Variants in ELAVL3 observed in about 807,000 individuals in gnomAD.
ELAVL3 encodes the protein ELAV-like protein 3.
A neutral mutation model predicts 34.2 loss-of-function variants in ELAVL3; 8 were observed. The observed-to-expected ratio is 0.23, with a 90% CI of 0.14 to 0.42. The LOEUF (loss-of-function observed/expected upper bound fraction) is 0.42, where lower values mean the gene tolerates loss of function less well. Among genes scored for constraint, ELAVL3 ranks in the 10% least tolerant of loss-of-function variants. ELAVL3 has a pLI of 1.00. For missense variants in ELAVL3, 273 were observed against 518.8 expected, an observed-to-expected ratio of 0.53 and a Z score of 4.60; for synonymous variants, 209 against 222.1, an observed-to-expected ratio of 0.94 and a Z score of 0.53.
At chr19:11,455,867 C>A (rs1181806815) in intron 6 of ELAVL3, among the ~76,000 whole-genome samples, 1 of 152,182 alleles carries the variant, frequency 6.6e-6, no homozygotes, top group Non-Finnish European at 1.5e-5. Flanking sequence ...AGAATTGGCT[C>A]CACTCACATT....
At chr19:11,459,119 T>A (rs311783) in intron 3 of ELAVL3, among the ~76,000 whole-genome samples, 19,911 of 149,206 alleles carry the variant, frequency 0.13, 2,571 homozygotes, top group African/African-American at 0.35. Context: ...GACCAGCATT[T>A]TTTTTTTCTT....
intron 1 of ELAVL3, among the ~76,000 whole-genome samples, chr19:11,470,534 G>A (rs1353780897): frequency 6.6e-6 from 1 of 150,888 alleles, no homozygotes; most frequent in African/African-American, 2.4e-5. Flanking sequence ...AAAATTAGCC[G>A]GGCGTGGTGG....
chr19:11,465,393 CACAT>C (rs1466022502), intron 3 of ELAVL3, among the ~76,000 whole-genome samples: 1 of 151,846 alleles, frequency 6.6e-6, no homozygotes, highest in Middle Eastern at 3.4e-3. Context: ...CATACACACA[CACAT>C]ACACGCTGCA....
rs201043909 is a variant in ELAVL3, at chr19:11,454,616, C to A, written c.1014G>T (p.Ala338=). Residue 338 remains alanine, a synonymous_variant, in exon 7 of 7, where the codon GCG becomes GCT. Coordinates refer to ENST00000359227, the MANE Select transcript of ELAVL3 (RefSeq NM_001420.4). The surrounding 1 kb of genome is among the most constrained non-coding windows in gnomAD (Gnocchi z 9.2). Reference sequence around the variant, plus strand: ...CGTTCAGGCTGGCGATGGCCATGGCCGCCTCGTCATAGTTGGTCATGGTCA... The same window carrying A: ...CGTTCAGGCTGGCGATGGCCATGGCAGCCTCGTCATAGTTGGTCATGGTCA... ...GFVTMTNYDE[A]AMAIASLNGY... 3.7e-6 allele frequency: 6 copies of A among 1,614,212 alleles called. No individual in the cohort carries two copies. In the South Asian group the frequency reaches 6.6e-5, roughly 18 times the overall value.
At chr19:11,471,411 G>A (rs1295145139) in intron 1 of ELAVL3, among the ~76,000 whole-genome samples, 1 of 151,418 alleles carries the variant, frequency 6.6e-6, no homozygotes, top group African/African-American at 2.4e-5. Context: ...TCAGGAGTTC[G>A]AGACCAGCCT....
At position 11,480,598 on chromosome 19, in the gene ELAVL3, A is replaced by G; in HGVS notation, c.9+2T>C. The G allele has an allele frequency of 6.7e-7, 1 of 1,488,196 alleles. No homozygotes were observed. 92.2% of individuals were successfully genotyped at this position (1,488,196 alleles called of 1,614,324 possible). A position where few individuals can be genotyped will look rare whatever the true frequency, so the allele number is the denominator to read the frequency against. On this transcript the variant is annotated splice_donor_variant, in intron 1 of 6. Coordinates refer to ENST00000359227, the MANE Select transcript of ELAVL3 (RefSeq NM_001420.4). LOFTEE classifies it high-confidence loss of function. This position sits in a 1 kb window ranked among gnomAD's most constrained non-coding sequence, Gnocchi z 6.8. Reference sequence around the variant, plus strand: ...CCCTTTCGGCGACAGGGGAATACCTACAGTGACCATTCTTGTGTGCCCGGC... The same window carrying G: ...CCCTTTCGGCGACAGGGGAATACCTGCAGTGACCATTCTTGTGTGCCCGGC...
chr19:11,468,319 G>A (rs1971096962), intron 1 of ELAVL3, among the ~76,000 whole-genome samples: 1 of 151,664 alleles, frequency 6.6e-6, no homozygotes, highest in Admixed American at 6.6e-5. Context: ...TTCAAATAAT[G>A]ACAATTTTAT....
At chr19:11,471,180 T>G (rs1374485393) in intron 1 of ELAVL3, among the ~76,000 whole-genome samples, 1 of 150,988 alleles carries the variant, frequency 6.6e-6, no homozygotes, top group Non-Finnish European at 1.5e-5. Flanking sequence ...CATGGTGGTG[T>G]GCGCCTGTAA....
In ELAVL3 at chr19:11,480,651, C is replaced by CG; in HGVS notation, c.-44dup. The CG allele has an allele frequency of 7.1e-7, 1 of 1,410,902 alleles. No homozygotes were observed. 87.4% of individuals were successfully genotyped at this position (1,410,902 alleles called of 1,614,324 possible). A position where few individuals can be genotyped will look rare whatever the true frequency, so the allele number is the denominator to read the frequency against. ...GCGCGGTCCGTGTTGAGGGGGGCTC[C>CG]GGGGGTGGTGCACTCCTAGGGGGGC... On this transcript the variant is annotated 5_prime_UTR_variant, in exon 1 of 7. Coordinates refer to ENST00000359227, the MANE Select transcript of ELAVL3 (RefSeq NM_001420.4). This position sits in a 1 kb window ranked among gnomAD's most constrained non-coding sequence, Gnocchi z 6.8.
chr19:11,480,232 C>G lies in ELAVL3; in HGVS notation c.9+368G>C, dbSNP rs1325298865. On this transcript the variant is annotated intron_variant, in intron 1 of 6. Coordinates refer to ENST00000359227, the MANE Select transcript of ELAVL3 (RefSeq NM_001420.4). This position sits in a 1 kb window ranked among gnomAD's most constrained non-coding sequence, Gnocchi z 6.8. ...TTTGGCTTGGCCCAGCACCAGTGAT[C>G]GGGCCCTGCGTTTGCCTGGGCGGCC... The G allele has an allele frequency of 4.0e-6, 1 of 248,912 alleles. No homozygotes were observed. Among genetic ancestry groups the G allele is most frequent in the Non-Finnish European group, 7.6e-6 (1 of 130,860 alleles). 15.4% of individuals were successfully genotyped at this position (248,912 alleles called of 1,614,324 possible).
In ELAVL3 at chr19:11,454,494, G is replaced by T; in HGVS notation, c.*32C>A. The T allele has an allele frequency of 2.0e-6, 3 of 1,515,130 alleles. No homozygotes were observed. The highest frequency in any genetic ancestry group is 2.4e-5 in the East Asian group (1 of 42,544). 93.9% of individuals were successfully genotyped at this position (1,515,130 alleles called of 1,614,324 possible). ...TTCTCTCTCTCTCTCTCTGCTGCCC[G>T]GGGAGGGGGTGGGAGGGCAGGCGGG... On this transcript the variant is annotated 3_prime_UTR_variant, in exon 7 of 7. Coordinates refer to ENST00000359227, the MANE Select transcript of ELAVL3 (RefSeq NM_001420.4). This position sits in a 1 kb window ranked among gnomAD's most constrained non-coding sequence, Gnocchi z 9.2.
chr19:11,461,972 A>G (rs1970894847), intron 3 of ELAVL3, among the ~76,000 whole-genome samples: 1 of 151,970 alleles, frequency 6.6e-6, no homozygotes, highest in African/African-American at 2.4e-5. Context: ...TCAGGAGATC[A>G]AGACCATCCT....
chr19:11,458,392 C>T lies in ELAVL3; in HGVS notation c.487+66G>A, dbSNP rs577856022. ...CCTGGCATCTTGGTCGGTTTCCCCA[C>T]GTTGGTCCCACCTGACTGCCTTTGC... On this transcript the variant is annotated intron_variant, in intron 4 of 6. Transcript: ENST00000359227. The surrounding 1 kb of genome is among the most constrained non-coding windows in gnomAD (Gnocchi z 7.3). The T allele has an allele frequency of 3.6e-5, 58 of 1,608,574 alleles. No individual in the cohort carries two copies. The highest frequency in any genetic ancestry group is 1.8e-4 in the Admixed American group (11 of 59,906).
Position 11,472,937 on chromosome 19 carries a change from G to A in ELAVL3, c.10-6110C>T, listed in dbSNP as rs575858807. Among the ~76,000 whole-genome samples the A allele has an allele frequency of 2.0e-5, 3 of 151,780 alleles. No individual in the cohort carries two copies. In the East Asian group the frequency reaches 5.8e-4, roughly 30 times the overall value. ...CAAAAATTAGCCAGGTGGGGTGGTGGGCACCTGTAATCCCAGCTATTTGGG... is the reference window on the plus strand; with the variant it reads ...CAAAAATTAGCCAGGTGGGGTGGTGAGCACCTGTAATCCCAGCTATTTGGG... On this transcript the variant is annotated intron_variant, in intron 1 of 6. Coordinates refer to ENST00000359227, the MANE Select transcript of ELAVL3 (RefSeq NM_001420.4).
intron 5 of ELAVL3, 119 bp from the exon 6 acceptor site, chr19:11,457,267 C>T (rs1019413358): frequency 2.7e-6 from 3 of 1,121,186 alleles, no homozygotes; most frequent in Admixed American, 6.7e-5. Flanking sequence ...CTGCCCCCGC[C>T]TGCCTGCTCC....
chr19:11,464,998 A>G (rs1394181615), intron 3 of ELAVL3, among the ~76,000 whole-genome samples: 2 of 118,326 alleles, frequency 1.7e-5, no homozygotes, highest in East Asian at 5.7e-4. Context: ...CACACCACAC[A>G]CCACACACAC....
At chr19:11,456,602 C>T (rs768189539) in intron 6 of ELAVL3, among the ~76,000 whole-genome samples, 2 of 149,642 alleles carry the variant, frequency 1.3e-5, no homozygotes, top group Non-Finnish European at 3.0e-5. Flanking sequence ...CATGTTCAAG[C>T]GATTCTCCTG....
Position 11,470,006 on chromosome 19 carries a change from A to G in ELAVL3, c.10-3179T>C, listed in dbSNP as rs537787354. Among the ~76,000 whole-genome samples the G allele has an allele frequency of 5.9e-5, 9 of 152,224 alleles. No homozygotes were observed. In the East Asian group the frequency reaches 1.7e-3, roughly 29 times the overall value. ...CGGGAGGTCAAGGATGCAGTAAACC[A>G]TAATCACACCACTGCACTCCTGCCT... On this transcript the variant is annotated intron_variant, in intron 1 of 6. Coordinates refer to ENST00000359227, the MANE Select transcript of ELAVL3 (RefSeq NM_001420.4).
chr19:11,464,088 CCTCTCTCTCCCTCT>C (rs1970948839), intron 3 of ELAVL3, among the ~76,000 whole-genome samples: 3 of 145,346 alleles, frequency 2.1e-5, no homozygotes, highest in Non-Finnish European at 4.5e-5. Context: ...TCTCTCCCTC[CCTCTCTCTCCCTCT>C]CTCTCTCTCT....
Sources: gnomAD v4.1 joint callset for allele counts (sites outside exome capture counted in the v4.1 genomes callset) on GRCh38, gnomAD v4.1.1 for gene constraint, Gnocchi (gnomAD v3.1) non-coding constraint, MANE v1.5 for transcripts, NCBI Gene and HGNC (gene_info 2026-07-23, HGNC 2026-07-21) for gene names.